The following SMARCA2 variants were observed in gnomAD, a reference collection of about 807,000 sequenced individuals.
SMARCA2 encodes SWI/SNF-related matrix-associated actin-dependent regulator of chromatin subfamily A member 2.
A neutral mutation model predicts 199.8 loss-of-function variants in SMARCA2; 61 were observed. The ratio of observed to expected loss-of-function variants is 0.31; its 90% CI spans 0.25 to 0.38. The LOEUF (loss-of-function observed/expected upper bound fraction) is 0.38. Among genes scored for constraint, SMARCA2 ranks in the 10% least tolerant of loss-of-function variants. The pLI, the probability that SMARCA2 is intolerant of heterozygous loss-of-function variation, is 1.00. For synonymous variants in SMARCA2, 935 were observed against 732.0 expected, an observed-to-expected ratio of 1.28 and a Z score of -4.48; for missense variants, 1,344 against 2,012.2, an observed-to-expected ratio of 0.67 and a Z score of 6.35.
intron 28 of SMARCA2, among the ~76,000 whole-genome samples, chr9:2,168,136 A>T (rs761043445): frequency 6.7e-6 from 1 of 149,332 alleles, no homozygotes. Flanking sequence ...CTCAGCCTCC[A>T]GAGTTGCTGG....
At chr9:2,181,794 G>C (rs973923048) in intron 30 of SMARCA2, 118 bp downstream of exon 30, 2 of 650,268 alleles carry the variant, frequency 3.1e-6, no homozygotes, top group African/African-American at 3.7e-5. Context: ...CTCGCGACAG[G>C]AAAGGTTGGG....
chr9:2,157,913 C>A, intron 27 of SMARCA2: 1 of 398,400 alleles, frequency 2.5e-6, no homozygotes, highest in Non-Finnish European at 4.4e-6. Flanking sequence ...ATGAGAGGGC[C>A]ACGACTGGAC....
intron 9 of SMARCA2, among the ~76,000 whole-genome samples, chr9:2,065,623 A>C (rs1820805796): frequency 6.6e-6 from 1 of 152,250 alleles, no homozygotes; most frequent in Non-Finnish European, 1.5e-5. Flanking sequence ...CACAGTTTTC[A>C]GTAAAAAGAG....
At chr9:2,180,758 A>G (rs772328903) in intron 29 of SMARCA2, among the ~76,000 whole-genome samples, 1 of 152,234 alleles carries the variant, frequency 6.6e-6, no homozygotes, top group African/African-American at 2.4e-5. Flanking sequence ...AAAAGCTCAT[A>G]TGCTTTGTAG....
intron 19 of SMARCA2, among the ~76,000 whole-genome samples, chr9:2,093,214 T>C (rs553600268): frequency 2.0e-5 from 3 of 152,306 alleles, no homozygotes; most frequent in African/African-American, 7.2e-5. Flanking sequence ...GATCCAGGCA[T>C]TCAGGTGGTT....
chr9:2,099,608 A>G (rs1430130110), intron 21 of SMARCA2, among the ~76,000 whole-genome samples: 1 of 152,160 alleles, frequency 6.6e-6, no homozygotes, highest in African/African-American at 2.4e-5. Flanking sequence ...AGTTGGTAGA[A>G]AGGCAGACTC....
chr9:2,032,741 CAAAA>C, intron 2 of SMARCA2: 1 of 405,666 alleles, frequency 2.5e-6, no homozygotes, highest in South Asian at 5.0e-5. Flanking sequence ...AACAAACAAA[CAAAA>C]AAACAACCCT....
intron 32 of SMARCA2, among the ~76,000 whole-genome samples, chr9:2,187,140 G>A (rs1827522010): frequency 2.0e-5 from 3 of 152,154 alleles, no homozygotes; most frequent in Admixed American, 2.0e-4. Context: ...CAGGGGAAGA[G>A]GGGTGATGAC....
intron 14 of SMARCA2, among the ~76,000 whole-genome samples, chr9:2,078,925 A>G (rs1821444461): frequency 6.6e-6 from 1 of 152,180 alleles, no homozygotes; most frequent in Non-Finnish European, 1.5e-5. Context: ...AGCCTCGGCA[A>G]CAGAGTGAGA....
intron 21 of SMARCA2, among the ~76,000 whole-genome samples, chr9:2,100,499 C>G (rs191982872): frequency 6.6e-6 from 1 of 152,070 alleles, no homozygotes; most frequent in Non-Finnish European, 1.5e-5. Flanking sequence ...GTAAAGAGTT[C>G]AAGACCAGCC....
chr9:2,021,652 G>A (rs1246895696), intron 1 of SMARCA2, among the ~76,000 whole-genome samples: 1 of 152,154 alleles, frequency 6.6e-6, no homozygotes, highest in East Asian at 1.9e-4. Context: ...GTGGCTTGCT[G>A]TTGTGCTATA....
In SMARCA2 at chr9:2,192,790, T is replaced by A; in HGVS notation, c.*51T>A. 1 of 1,347,742 alleles carries A rather than the reference T, an allele frequency of 7.4e-7. No homozygotes were observed. Among genetic ancestry groups the A allele is most frequent in the Non-Finnish European group, 1.1e-6 (1 of 937,994 alleles). The allele number at this position is 1,347,742 out of a possible 1,614,324, so 83.5% of individuals were successfully genotyped here. A position where few individuals can be genotyped will look rare whatever the true frequency, so the allele number is the denominator to read the frequency against. Reference sequence around the variant, plus strand: ...GAACTGAATTCCTTCCTCCCCTGTCTCATTTCTACCCAGTGAGTTCATTTG... The same window carrying A: ...GAACTGAATTCCTTCCTCCCCTGTCACATTTCTACCCAGTGAGTTCATTTG... On this transcript the variant is annotated 3_prime_UTR_variant, in exon 34 of 34. Coordinates refer to ENST00000349721, the MANE Select transcript of SMARCA2 (RefSeq NM_003070.5).
At chr9:2,129,253 C>A (rs1442999521) in intron 27 of SMARCA2, among the ~76,000 whole-genome samples, 1 of 152,106 alleles carries the variant, frequency 6.6e-6, no homozygotes, top group Non-Finnish European at 1.5e-5. Context: ...CCCATCTCTA[C>A]TAAAAATACA....
chr9:2,151,950 G>C (rs1825103742), intron 27 of SMARCA2, among the ~76,000 whole-genome samples: 1 of 151,788 alleles, frequency 6.6e-6, no homozygotes, highest in South Asian at 2.1e-4. Flanking sequence ...TCAGGCCAAA[G>C]TGTTTAAAAA....
intron 1 of SMARCA2, chr9:2,018,032 C>G (rs1328779476): frequency 2.6e-5 from 4 of 152,240 alleles, no homozygotes; most frequent in African/African-American, 9.6e-5. Context: ...CCTCCGGGTC[C>G]GGAGAGTGTG....
chr9:2,149,338 T>C (rs1824934330), intron 27 of SMARCA2, among the ~76,000 whole-genome samples: 1 of 149,102 alleles, frequency 6.7e-6, no homozygotes, highest in Non-Finnish European at 1.5e-5. Flanking sequence ...GCCAGCATGG[T>C]GAAACCCCAT....
rs59156319 is a variant in SMARCA2, at chr9:2,155,720, C to CTTTTTTT, written c.3982-5934_3982-5928dup. ...TATGGCATATGGGGAAAGAGAAAAC[C>CTTTTTTT]TTTTTTTTTTTTTTTTTTTTTTTTT... On this transcript the variant is annotated intron_variant, in intron 27 of 33. Coordinates refer to ENST00000349721, the MANE Select transcript of SMARCA2 (RefSeq NM_003070.5). Among the ~76,000 whole-genome samples the CTTTTTTT allele has an allele frequency of 1.4e-3, 77 of 53,190 alleles. 9 individuals carry two copies. Among genetic ancestry groups the CTTTTTTT allele is most frequent in the East Asian group, 3.8e-3 (5 of 1,320 alleles). The allele number at this position is 53,190 out of a possible 152,430, so 34.9% of individuals were successfully genotyped here. A position where few individuals can be genotyped will look rare whatever the true frequency, so the allele number is the denominator to read the frequency against.
intron 19 of SMARCA2, among the ~76,000 whole-genome samples, chr9:2,091,399 T>A (rs1445847114): frequency 6.6e-6 from 1 of 152,212 alleles, no homozygotes; most frequent in East Asian, 1.9e-4. Flanking sequence ...TTTTTTTAAT[T>A]TGGCAAAATG....
intron 3 of SMARCA2, among the ~76,000 whole-genome samples, chr9:2,038,184 A>G (rs1353227701): frequency 2.0e-5 from 3 of 152,250 alleles, no homozygotes; most frequent in Non-Finnish European, 1.5e-5. Flanking sequence ...AGAATCAGAC[A>G]GACCTTTGTT....
Sources: allele counts gnomAD v4.1 joint callset (sites outside exome capture counted in the v4.1 genomes callset), GRCh38; gene constraint gnomAD v4.1.1; transcripts MANE v1.5; gene names NCBI Gene and HGNC (gene_info 2026-07-23, HGNC 2026-07-21).